FMNL1: variants seen among roughly 807,000 people sequenced by gnomAD.
FMNL1 encodes the protein formin like 1.
FMNL1 carries 43 observed loss-of-function variants against 121.3 expected under a neutral mutation model. That is an observed-to-expected ratio of 0.35 (90% CI 0.28 to 0.46). The LOEUF (loss-of-function observed/expected upper bound fraction) is 0.46, where lower values mean the gene tolerates loss of function less well. Among genes scored for constraint, FMNL1 ranks in the 20% least tolerant of loss-of-function variants. FMNL1 has a pLI of 1.00. For missense variants in FMNL1, 1,191 were observed against 1,482.4 expected (o/e 0.80, Z 3.23); for synonymous variants, 613 against 613.5 (o/e 1.00, Z 0.01).
At position 45,234,165 on chromosome 17, in the gene FMNL1, C is replaced by T. The variant is rs923075102; in HGVS notation, c.579C>T (p.Pro193=). The T allele has an allele frequency of 3.7e-6, 6 of 1,614,020 alleles. No individual in the cohort carries two copies. The African/African-American group carries it at 5.3e-5, about 14-fold the overall frequency. ...QSVEDLSKGP[P]SSVPKSRHLT... is the part of the protein sequence containing the mutation. ...TGGAAGACCTCAGCAAGGGTCCACC[C>T]TCCTCCGTGCCCAAAAGCCGCCACC... The change falls in exon 6 of 27, where the codon CCC becomes CCT. Residue 193 remains proline, a synonymous_variant. Transcript: ENST00000331495.
rs1035845829 is a variant in FMNL1, at chr17:45,222,193, G to C, written c.69G>C (p.Ala23=). The change falls in exon 1 of 27, where the codon GCG becomes GCC. Residue 23 remains alanine (A), a synonymous_variant. Transcript: ENST00000331495. ...GPAAPPPKQP[A]PPKQPMPAAG... Reference sequence around the variant, plus strand: ...CCGCGCCGCCCCCCAAGCAGCCCGCGCCTCCCAAGCAGCCGATGCCCGCGG... The same window carrying C: ...CCGCGCCGCCCCCCAAGCAGCCCGCCCCTCCCAAGCAGCCGATGCCCGCGG... The C allele has an allele frequency of 3.2e-6, 4 of 1,245,034 alleles. No homozygotes were observed. Among genetic ancestry groups the C allele is most frequent in the Non-Finnish European group, 4.0e-6 (4 of 989,954 alleles). The allele number at this position is 1,245,034 out of a possible 1,614,324, so 77.1% of individuals were successfully genotyped here.
intron 18 of FMNL1, 58 bp downstream of exon 18, chr17:45,244,083 C>G (rs1282127862): frequency 6.2e-7 from 1 of 1,601,292 alleles, no homozygotes; most frequent in Non-Finnish European, 8.5e-7. Flanking sequence ...GGAGGCAACT[C>G]CCAGCCTGGG....
chr17:45,238,738 CAA>C, intron 10 of FMNL1, 100 bp downstream of exon 10: 1 of 1,457,414 alleles, frequency 6.9e-7, no homozygotes, highest in Non-Finnish European at 9.5e-7. Context: ...TCTGCCCCCG[CAA>C]AGCGTAAGGA....
Position 45,221,925 on chromosome 17 carries a change from C to A in FMNL1, c.-200C>A, listed in dbSNP as rs541536818. 1,413 of 346,040 alleles carry A rather than the reference C, an allele frequency of 4.1e-3. 14 individuals carry two copies. The highest frequency in any genetic ancestry group is 0.028 in the African/African-American group (1,278 of 46,246). The allele number at this position is 346,040 out of a possible 1,614,324, so 21.4% of individuals were successfully genotyped here. ...CCCTGCAGCTCGCCGCCCGGTCCCA[C>A]GGACGGGGCCGCCCCGATGGGACGC... On this transcript the variant is annotated 5_prime_UTR_variant, in exon 1 of 27. Coordinates refer to ENST00000331495, the MANE Select transcript of FMNL1 (RefSeq NM_005892.4).
At chr17:45,232,846 T>C in intron 3 of FMNL1, 3 of 545,116 alleles carry the variant, frequency 5.5e-6, no homozygotes, top group African/African-American at 3.9e-5. Flanking sequence ...AGAGAGAATG[T>C]GTGTGTGTGT....
In FMNL1 at chr17:45,221,931, G is replaced by T; in HGVS notation, c.-194G>T. The T allele has an allele frequency of 2.8e-6, 1 of 353,052 alleles. No homozygotes were observed. Among genetic ancestry groups the T allele is most frequent in the East Asian group, 4.5e-5 (1 of 22,028 alleles). The allele number at this position is 353,052 out of a possible 1,614,324, so 21.9% of individuals were successfully genotyped here. ...AGCTCGCCGCCCGGTCCCACGGACG[G>T]GGCCGCCCCGATGGGACGCCGCGCT... On this transcript the variant is annotated 5_prime_UTR_variant, in exon 1 of 27. Transcript: ENST00000331495.
Position 45,237,249 on chromosome 17 carries a change from C to A in FMNL1, c.724-32C>A. 1 of 1,611,022 alleles carries A rather than the reference C, an allele frequency of 6.2e-7. No homozygotes were observed. The highest frequency in any genetic ancestry group is 2.2e-5 in the East Asian group (1 of 44,876). On this transcript the variant is annotated intron_variant, in intron 7 of 26. Coordinates refer to ENST00000331495, the MANE Select transcript of FMNL1 (RefSeq NM_005892.4). This position sits in a 1 kb window ranked among gnomAD's most constrained non-coding sequence, Gnocchi z 4.4. ...GTGCCTGAAGTCCTGGGGGGCCCTT[C>A]CTGGAGACACTGACCTCTCCTCTCT...
chr17:45,240,769 G>A, intron 12 of FMNL1, 144 bp downstream of exon 12: 1 of 1,233,810 alleles, frequency 8.1e-7, no homozygotes, highest in Non-Finnish European at 1.1e-6. Flanking sequence ...CCCAGAGCCT[G>A]GCCTGAATCC....
In FMNL1 at chr17:45,231,201, G is replaced by A. The variant is rs1031249492; in HGVS notation, c.213+514G>A. Among the ~76,000 whole-genome samples the A allele has an allele frequency of 4.6e-5, 7 of 152,200 alleles. No homozygotes were observed. Among genetic ancestry groups the A allele is most frequent in the Non-Finnish European group, 7.4e-5 (5 of 68,026 alleles). On this transcript the variant is annotated intron_variant, in intron 2 of 26. Coordinates refer to ENST00000331495, the MANE Select transcript of FMNL1 (RefSeq NM_005892.4). This position sits in a 1 kb window ranked among gnomAD's most constrained non-coding sequence, Gnocchi z 4.7. ...GCTCCGTCCAGGTGCCTGGACTCAC[G>A]GGTCACTCAGCTGTCCCCACCCCTC... is the stretch of plus-strand genomic sequence containing the variant.
rs1598190849 is a variant in FMNL1, at chr17:45,233,476, C to G, written c.402-172C>G. Among the ~76,000 whole-genome samples the G allele has an allele frequency of 1.3e-5, 2 of 152,232 alleles. No homozygotes were observed. The highest frequency in any genetic ancestry group is 6.5e-5 in the Admixed American group (1 of 15,298). On this transcript the variant is annotated intron_variant, in intron 4 of 26. Coordinates refer to ENST00000331495, the MANE Select transcript of FMNL1 (RefSeq NM_005892.4). The surrounding 1 kb of genome is among the most constrained non-coding windows in gnomAD (Gnocchi z 4.1). ...TTCCTGCCCATGCTCTGACTGGCAC[C>G]TTGAGGCATGGCTGGGCTGTGGGAC...
chr17:45,228,706 G>A (rs757114140), intron 1 of FMNL1, among the ~76,000 whole-genome samples: 10 of 152,160 alleles, frequency 6.6e-5, no homozygotes, highest in East Asian at 1.9e-4. Flanking sequence ...TAGAAATGCC[G>A]CTGGGGCCAT....
intron 3 of FMNL1, chr17:45,232,743 A>G: frequency 1.7e-6 from 1 of 600,192 alleles, no homozygotes; most frequent in South Asian, 1.8e-5. Context: ...TGTGCAGCCC[A>G]TATGTCCATA....
At chr17:45,223,458 T>G (rs1286279444) in intron 1 of FMNL1, among the ~76,000 whole-genome samples, 1 of 152,136 alleles carries the variant, frequency 6.6e-6, no homozygotes, top group Non-Finnish European at 1.5e-5. Context: ...AAGAGAAGGC[T>G]GGGGGGAGTT....
rs2043494305 is a variant in FMNL1 at position 45,233,891 on chromosome 17, C to A, written c.485+160C>A. 2.3e-6 allele frequency: 3 copies of A among 1,316,148 alleles called. No individual in the cohort carries two copies. The East Asian group carries it at 7.6e-5, about 33-fold the overall frequency. 81.5% of individuals were successfully genotyped at this position (1,316,148 alleles called of 1,614,324 possible). A position where few individuals can be genotyped will look rare whatever the true frequency, so the allele number is the denominator to read the frequency against. ...AGCGATGCTCCTTCCAGAAGGCCTG[C>A]CCCCGACAGGGAGGGGTGGCCTCTC... On this transcript the variant is annotated intron_variant, in intron 5 of 26. Coordinates refer to ENST00000331495, the MANE Select transcript of FMNL1 (RefSeq NM_005892.4). The surrounding 1 kb of genome is among the most constrained non-coding windows in gnomAD (Gnocchi z 4.1).
rs771475784 is a variant in FMNL1, at chr17:45,238,549, A to AT, written c.895-13dup. The AT allele has an allele frequency of 2.0e-5, 33 of 1,613,818 alleles. No individual in the cohort carries two copies. The Admixed American group carries it at 4.3e-4, about 21-fold the overall frequency. On this transcript the variant is annotated splice_polypyrimidine_tract_variant and intron_variant, in intron 9 of 26. Transcript: ENST00000331495. ...GTGTCACTGGGCCTCAGTGAGAGCC[A>AT]TTCCCCTTACCCAGGTGTGTGGGGA...
intron 9 of FMNL1, 62 bp from the exon 10 acceptor site, chr17:45,238,502 G>A: frequency 6.4e-7 from 1 of 1,574,640 alleles, no homozygotes; most frequent in Middle Eastern, 1.7e-4. Context: ...AGGTGTGGCA[G>A]CCAGAAGGTA....
chr17:45,239,051 G>A lies in FMNL1; in HGVS notation c.1066G>A (p.Asp356Asn), dbSNP rs1265911402. 1.2e-6 allele frequency: 2 copies of A among 1,614,076 alleles called. No individual in the cohort carries two copies. Among genetic ancestry groups the A allele is most frequent in the Admixed American group, 3.3e-5 (2 of 60,024 alleles). ...ATATGAGTTCACCCACTTGGGCCTG[G>A]ACCTGTACTTGGAGGTAAGCCCTGT... Reference protein sequence around the residue: ...LQYEFTHLGLDLYLERLRLTE... With the variant: ...LQYEFTHLGLNLYLERLRLTE... Residue 356 changes from aspartate (D) to asparagine (N), a missense_variant, in exon 11 of 27, where the codon GAC becomes AAC. Coordinates refer to ENST00000331495, the MANE Select transcript of FMNL1 (RefSeq NM_005892.4).
chr17:45,222,351 G>T (rs941963110), intron 1 of FMNL1, 98 bp downstream of exon 1: 2 of 1,010,500 alleles, frequency 2.0e-6, no homozygotes, highest in Non-Finnish European at 2.4e-6. Context: ...CTCAGGTGCC[G>T]CTTGGAGATC....
Position 45,232,422 on chromosome 17 carries a change from A to G in FMNL1, c.269A>G (p.Tyr90Cys), listed in dbSNP as rs752425707. 2 of 1,614,032 alleles carry G rather than the reference A, an allele frequency of 1.2e-6. No individual in the cohort carries two copies. The highest frequency in any genetic ancestry group is 2.2e-5 in the East Asian group (1 of 44,878). The change falls in exon 3 of 27, where the codon TAT (tyrosine) becomes TGT (cysteine). Residue 90 changes from tyrosine to cysteine, a missense_variant. This residue lies in a region of FMNL1 where 253 missense variants were observed against 417.5 expected (regional missense o/e 0.61). Coordinates refer to ENST00000331495, the MANE Select transcript of FMNL1 (RefSeq NM_005892.4). ...PAAYIQKLKSYVDTGGVSRKV... is the reference protein window; with the variant it reads ...PAAYIQKLKSCVDTGGVSRKV... ...GCCTACATCCAGAAGCTGAAGAGCT[A>G]TGTGGATACTGGTGGGGTCAGCCGA...
Sources: allele counts gnomAD v4.1 joint callset (sites outside exome capture counted in the v4.1 genomes callset), GRCh38; gene constraint gnomAD v4.1.1; regional missense constraint gnomAD v4.1.1; non-coding constraint Gnocchi (gnomAD v3.1); transcripts MANE v1.5; gene names NCBI Gene and HGNC (gene_info 2026-07-23, HGNC 2026-07-21).